Variants in C12orf56 observed in about 807,000 individuals in gnomAD.
The protein encoded by C12orf56 is chromosome 12 open reading frame 56.
A neutral mutation model predicts 69.9 loss-of-function variants in C12orf56; 71 were observed. That is an observed-to-expected ratio of 1.02 (90% CI 0.84 to 1.24). The LOEUF is 1.24. Among genes scored for constraint, C12orf56 ranks in the 50% most tolerant of loss-of-function variants. The pLI is 0.00. For synonymous variants in C12orf56, 276 were observed against 274.1 expected, an observed-to-expected ratio of 1.01 and a Z score of -0.07; for missense variants, 732 against 738.5, an observed-to-expected ratio of 0.99 and a Z score of 0.10.
intron 1 of C12orf56, among the ~76,000 whole-genome samples, chr12:64,367,213 C>T (rs9738252): frequency 0.051 from 724 of 14,082 alleles, 20 homozygotes; most frequent in South Asian, 0.06. Context: ...TTATATATAA[C>T]ATACAGTTTA....
chr12:64,351,287 A>G (rs2039218691), intron 2 of C12orf56, among the ~76,000 whole-genome samples: 1 of 151,998 alleles, frequency 6.6e-6, no homozygotes, highest in South Asian at 2.1e-4. Flanking sequence ...CCACAGTTAC[A>G]CCTTAGCAAT....
At chr12:64,342,935 C>T (rs563194938) in intron 2 of C12orf56, among the ~76,000 whole-genome samples, 1 of 152,334 alleles carries the variant, frequency 6.6e-6, no homozygotes, top group African/African-American at 2.4e-5. Flanking sequence ...TCATATGGCC[C>T]AAGTGGCAGA....
At chr12:64,329,676 C>T (rs28394547) in intron 3 of C12orf56, among the ~76,000 whole-genome samples, 1 of 103,086 alleles carries the variant, frequency 9.7e-6, no homozygotes, top group African/African-American at 3.7e-5. Flanking sequence ...TCCCTCCCCC[C>T]TCCCCCCACC....
intron 5 of C12orf56, among the ~76,000 whole-genome samples, chr12:64,306,192 C>A (rs1191280136): frequency 6.6e-6 from 1 of 152,012 alleles, no homozygotes; most frequent in African/African-American, 2.4e-5. Flanking sequence ...TTCTATATTA[C>A]TGCAGAAAAG....
intron 3 of C12orf56, among the ~76,000 whole-genome samples, chr12:64,320,843 G>A (rs2136842585): frequency 6.6e-6 from 1 of 152,310 alleles, no homozygotes; most frequent in African/African-American, 2.4e-5. Flanking sequence ...AAACTGACCA[G>A]TTTTCCAGAA....
chr12:64,380,154 C>T (rs548467154), intron 1 of C12orf56, among the ~76,000 whole-genome samples: 2 of 118,036 alleles, frequency 1.7e-5, no homozygotes, highest in East Asian at 2.6e-4. Flanking sequence ...CAAAAAAAAA[C>T]GCACAATGCA....
chr12:64,282,906 G>A (rs1392458175), intron 8 of C12orf56, among the ~76,000 whole-genome samples: 1 of 152,132 alleles, frequency 6.6e-6, no homozygotes, highest in East Asian at 1.9e-4. Flanking sequence ...CACTTTGGGA[G>A]GCCGAAGCAG....
chr12:64,344,866 G>A (rs2135942522), intron 2 of C12orf56, among the ~76,000 whole-genome samples: 1 of 152,184 alleles, frequency 6.6e-6, no homozygotes, highest in East Asian at 1.9e-4. Context: ...GGCATTTCCG[G>A]CTCACTCACA....
chr12:64,348,675 AT>A (rs1280015811), intron 2 of C12orf56, among the ~76,000 whole-genome samples: 2 of 152,194 alleles, frequency 1.3e-5, no homozygotes, highest in Non-Finnish European at 2.9e-5. Flanking sequence ...CTCAGGTTAT[AT>A]TTTAGGGAAT....
In C12orf56 at chr12:64,390,342, G is replaced by T; in HGVS notation, c.224C>A (p.Ala75Asp). The change falls in exon 1 of 13, where the codon GCT becomes GAT. Residue 75 changes from alanine to aspartate, a missense_variant. Physicochemically the swap from Ala to Asp is moderately radical, Grantham distance 126. Transcript: ENST00000543942. Reference sequence around the variant, plus strand: ...GTCAATGGCCACGACGTCCCGCAGAGCCACTACCCGCCGGATGGACTTGGG... The same window carrying T: ...GTCAATGGCCACGACGTCCCGCAGATCCACTACCCGCCGGATGGACTTGGG... ...NPPKSIRRVV[A>D]LRDVVAIDLI... 1.2e-6 allele frequency: 2 copies of T among 1,611,546 alleles called. No homozygotes were observed.
chr12:64,378,739 T>C (rs1052232661), intron 1 of C12orf56, among the ~76,000 whole-genome samples: 25 of 151,766 alleles, frequency 1.6e-4, no homozygotes, highest in African/African-American at 5.8e-4. Flanking sequence ...CCAGCCCATA[T>C]ATTGGGACTT....
At chr12:64,281,341 C>T (rs113771411) in intron 8 of C12orf56, among the ~76,000 whole-genome samples, 2,870 of 151,590 alleles carry the variant, frequency 0.019, 91 homozygotes, top group African/African-American at 0.065. Context: ...GAGGCCGAGG[C>T]GGGTGGATTG....
chr12:64,354,746 C>T (rs546078031), intron 1 of C12orf56, among the ~76,000 whole-genome samples: 1 of 145,898 alleles, frequency 6.9e-6, no homozygotes, highest in Non-Finnish European at 1.5e-5. Flanking sequence ...GGATTACAGG[C>T]GTGAGCCACC....
chr12:64,388,690 A>G (rs1342549712), intron 1 of C12orf56, among the ~76,000 whole-genome samples: 1 of 152,206 alleles, frequency 6.6e-6, no homozygotes, highest in Admixed American at 6.5e-5. Flanking sequence ...TCCTGTCTCT[A>G]CAAAAAAAAA....
intron 4 of C12orf56, among the ~76,000 whole-genome samples, chr12:64,314,996 G>A (rs1207442128): frequency 2.3e-5 from 3 of 129,838 alleles, no homozygotes; most frequent in Non-Finnish European, 4.7e-5. Flanking sequence ...TTGTTGCCCA[G>A]GCTGGAGTGC....
chr12:64,276,152 A>C (rs1286060624), intron 9 of C12orf56, among the ~76,000 whole-genome samples: 1 of 152,102 alleles, frequency 6.6e-6, no homozygotes, highest in Admixed American at 6.6e-5. Flanking sequence ...TACAATTACT[A>C]TCCCTTTTCT....
intron 1 of C12orf56, among the ~76,000 whole-genome samples, chr12:64,387,849 A>G (rs923171530): frequency 1.3e-5 from 2 of 152,194 alleles, no homozygotes; most frequent in Admixed American, 1.3e-4. Context: ...CAAGAGATAT[A>G]TAACACTATT....
At chr12:64,354,979 G>A (rs2039288860) in intron 1 of C12orf56, among the ~76,000 whole-genome samples, 2 of 150,362 alleles carry the variant, frequency 1.3e-5, no homozygotes, top group South Asian at 2.1e-4. Flanking sequence ...TCAGCAGGCT[G>A]AGGCAGGAGA....
intron 2 of C12orf56, among the ~76,000 whole-genome samples, chr12:64,343,893 G>A (rs569926791): frequency 6.6e-6 from 1 of 152,280 alleles, no homozygotes; most frequent in South Asian, 2.1e-4. Flanking sequence ...GCCAATGTGG[G>A]GGTTCTGCCA....
Sources: allele counts gnomAD v4.1 joint callset (sites outside exome capture counted in the v4.1 genomes callset), GRCh38; gene constraint gnomAD v4.1.1; transcripts MANE v1.5; gene names NCBI Gene and HGNC (gene_info 2026-07-23, HGNC 2026-07-21).